The following HACD3 variants were observed in gnomAD, a reference collection of about 807,000 sequenced individuals.
HACD3 encodes 3-hydroxyacyl-CoA dehydratase 3.
Under a neutral mutation model 55.2 loss-of-function variants are expected in HACD3, and 30 were observed. The ratio of observed to expected loss-of-function variants is 0.54; its 90% CI spans 0.41 to 0.74. The LOEUF is 0.74. HACD3 is among the 30% of genes least tolerant of loss of function. HACD3 has a pLI of 0.00. For synonymous variants in HACD3, 141 were observed against 151.7 expected, an observed-to-expected ratio of 0.93 and a Z score of 0.52; for missense variants, 363 against 440.1, an observed-to-expected ratio of 0.82 and a Z score of 1.57.
chr15:65,537,679 GCTA>G (rs913502383), intron 1 of HACD3, among the ~76,000 whole-genome samples: 13 of 149,804 alleles, frequency 8.7e-5, no homozygotes, highest in African/African-American at 3.2e-4. Context: ...TTTAATCCCA[GCTA>G]CTTGGGAGGC....
intron 1 of HACD3, among the ~76,000 whole-genome samples, chr15:65,545,333 C>A (rs1299748962): frequency 6.6e-6 from 1 of 151,938 alleles, no homozygotes; most frequent in Non-Finnish European, 1.5e-5. Context: ...CCAGACAAAT[C>A]CAGAATATGA....
chr15:65,558,595 C>T (rs1368762004), intron 4 of HACD3, 85 bp from the exon 5 acceptor site: 2 of 1,322,268 alleles, frequency 1.5e-6, no homozygotes, highest in African/African-American at 2.9e-5. Context: ...TTGAGGGAGT[C>T]AGATTACTCA....
At chr15:65,541,915 T>C (rs982680254) in intron 1 of HACD3, among the ~76,000 whole-genome samples, 6 of 151,976 alleles carry the variant, frequency 3.9e-5, no homozygotes, top group Non-Finnish European at 7.4e-5. Flanking sequence ...CTAATTTTTG[T>C]ATAGAAAGAA....
chr15:65,549,958 C>A (rs1338438789), intron 1 of HACD3, among the ~76,000 whole-genome samples: 1 of 152,210 alleles, frequency 6.6e-6, no homozygotes, highest in East Asian at 1.9e-4. Context: ...GAAGCAAATG[C>A]AGATCGATCC....
rs573438707 is a variant in HACD3, at chr15:65,578,242, C to T, written c.*1863C>T. On this transcript the variant is annotated 3_prime_UTR_variant, in exon 11 of 11. Coordinates refer to ENST00000261875, the MANE Select transcript of HACD3 (RefSeq NM_016395.4). ...ATCAGCTTTGCAGTAGATTATGCTG[C>T]ATCCTCGTGGCAAAATTCTGTATTC... 1.3e-5 allele frequency: 2 copies of T among 152,348 alleles called. No individual in the cohort carries two copies. The highest frequency in any genetic ancestry group is 3.9e-4 in the East Asian group (2 of 5,186). The allele number at this position is 152,348 out of a possible 1,614,324, so 9.4% of individuals were successfully genotyped here.
At chr15:65,544,790 G>A (rs2072057583) in intron 1 of HACD3, among the ~76,000 whole-genome samples, 1 of 152,266 alleles carries the variant, frequency 6.6e-6, no homozygotes, top group Non-Finnish European at 1.5e-5. Context: ...GGGAGTCCGA[G>A]GCCAGCAGAT....
chr15:65,550,302 G>A (rs1596209769), intron 1 of HACD3, among the ~76,000 whole-genome samples: 1 of 152,068 alleles, frequency 6.6e-6, no homozygotes. Flanking sequence ...CAGGAGAATC[G>A]CCTGAACCTG....
At chr15:65,564,164 C>A (rs1013052417) in intron 6 of HACD3, 51 bp from the exon 7 acceptor site, 102 of 1,575,186 alleles carry the variant, frequency 6.5e-5, no homozygotes, top group Non-Finnish European at 8.6e-5. Flanking sequence ...AGAAATAGTT[C>A]TGTTGGAATT....
At chr15:65,535,780 T>G (rs746309445) in intron 1 of HACD3, 212 of 657,762 alleles carry the variant, frequency 3.2e-4, no homozygotes, top group Non-Finnish European at 4.3e-4. Flanking sequence ...ACCGTAGCCT[T>G]GAACTCCTGG....
In HACD3 at chr15:65,551,716, A is replaced by G; in HGVS notation, c.128A>G (p.Lys43Arg). The change falls in exon 2 of 11, where the codon AAA (lysine) becomes AGA (arginine). Residue 43 changes from lysine to arginine, a missense_variant and splice_region_variant. Transcript: ENST00000261875. ...ISITENVLHF[K>R]AQGHGAKGDN... is the part of the protein sequence containing the mutation. ...ATCACTGAAAACGTGCTGCATTTCA[A>G]AGGTCAGTATCCCAGCAAATGCTCC... 6.2e-7 allele frequency: 1 copy of G among 1,613,962 alleles called. No individual in the cohort carries two copies. Among genetic ancestry groups the G allele is most frequent in the Non-Finnish European group, 8.5e-7 (1 of 1,179,860 alleles).
At position 65,578,320 on chromosome 15, in the gene HACD3, G is replaced by A. The variant is rs2072432365; in HGVS notation, c.*1941G>A. On this transcript the variant is annotated 3_prime_UTR_variant, in exon 11 of 11. Transcript: ENST00000261875. Reference sequence around the variant, plus strand: ...GCTGTCTGAGAAAGTGAAAGATTGTGTATTTCTATTAAAACATTTACAATC... The same window carrying A: ...GCTGTCTGAGAAAGTGAAAGATTGTATATTTCTATTAAAACATTTACAATC... 1 of 152,136 alleles carries A rather than the reference G, an allele frequency of 6.6e-6. No homozygotes were observed. The highest frequency in any genetic ancestry group is 2.1e-4 in the South Asian group (1 of 4,824). 9.4% of individuals were successfully genotyped at this position (152,136 alleles called of 1,614,324 possible). A position where few individuals can be genotyped will look rare whatever the true frequency, so the allele number is the denominator to read the frequency against.
chr15:65,549,243 T>C (rs1014025089), intron 1 of HACD3, among the ~76,000 whole-genome samples: 5 of 152,012 alleles, frequency 3.3e-5, no homozygotes, highest in Non-Finnish European at 7.4e-5. Context: ...CTCAACTAAG[T>C]GAACTTGAAC....
chr15:65,564,668 A>AT (rs1369275969), intron 7 of HACD3: 2 of 198,558 alleles, frequency 1.0e-5, no homozygotes, highest in Non-Finnish European at 2.0e-5. Context: ...GGCCGCACTG[A>AT]TTCATTTACC....
intron 1 of HACD3, among the ~76,000 whole-genome samples, chr15:65,535,333 C>T (rs1190119463): frequency 6.6e-6 from 1 of 152,100 alleles, no homozygotes; most frequent in Non-Finnish European, 1.5e-5. Context: ...TAAAGAACAC[C>T]TACAGACCAA....
intron 1 of HACD3, among the ~76,000 whole-genome samples, chr15:65,548,576 T>G (rs913870601): frequency 6.6e-6 from 1 of 151,902 alleles, no homozygotes; most frequent in Admixed American, 6.6e-5. Flanking sequence ...CTTTTCCCTC[T>G]TCACTCCTTT....
intron 10 of HACD3, among the ~76,000 whole-genome samples, chr15:65,574,021 A>C (rs1050983899): frequency 6.6e-6 from 1 of 152,208 alleles, no homozygotes; most frequent in Non-Finnish European, 1.5e-5. Flanking sequence ...GCCCTAAATA[A>C]ATATAACTGT....
At chr15:65,560,695 T>A (rs1441717429) in intron 5 of HACD3, among the ~76,000 whole-genome samples, 1 of 151,892 alleles carries the variant, frequency 6.6e-6, no homozygotes, top group Admixed American at 6.6e-5. Flanking sequence ...AACTAACTAC[T>A]TGGGCGGTGA....
At chr15:65,556,466 A>G (rs927075025) in intron 3 of HACD3, among the ~76,000 whole-genome samples, 2 of 151,852 alleles carry the variant, frequency 1.3e-5, no homozygotes, top group African/African-American at 4.8e-5. Context: ...AGTGATGGAG[A>G]GCGAGTCTAA....
chr15:65,563,289 A>G (rs2072261172), intron 6 of HACD3, among the ~76,000 whole-genome samples: 1 of 152,168 alleles, frequency 6.6e-6, no homozygotes, highest in Admixed American at 6.5e-5. Context: ...GAACTATTCT[A>G]AAACAGAATA....
Sources: gnomAD v4.1 joint callset for allele counts (sites outside exome capture counted in the v4.1 genomes callset) on GRCh38, gnomAD v4.1.1 for gene constraint, MANE v1.5 for transcripts, NCBI Gene and HGNC (gene_info 2026-07-23, HGNC 2026-07-21) for gene names.